Variants in VOPP1 observed in about 807,000 individuals in gnomAD.
The protein encoded by VOPP1 is WW domain binding protein VOPP1.
Under a neutral mutation model 23.5 loss-of-function variants are expected in VOPP1, and 8 were observed. The ratio of observed to expected loss-of-function variants is 0.34; its 90% CI spans 0.20 to 0.61. The LOEUF is 0.61. Ranked by LOEUF, VOPP1 falls within the 20% of genes least tolerant of loss-of-function variation. The pLI is 0.78. For synonymous variants in VOPP1, 83 were observed against 97.3 expected (o/e 0.85, Z 0.86); for missense variants, 174 against 238.1 (o/e 0.73, Z 1.77).
At chr7:55,543,812 C>T (rs1797244765) in intron 1 of VOPP1, among the ~76,000 whole-genome samples, 1 of 151,626 alleles carries the variant, frequency 6.6e-6, no homozygotes, top group Non-Finnish European at 1.5e-5. Context: ...GGTTATTAAT[C>T]CCATGTCAGA....
intron 3 of VOPP1, among the ~76,000 whole-genome samples, chr7:55,493,961 A>T (rs1175483569): frequency 6.6e-6 from 1 of 152,174 alleles, no homozygotes; most frequent in African/African-American, 2.4e-5. Context: ...TTTTAGTGAC[A>T]GCTGGGCTGG....
chr7:55,516,949 T>A (rs1245214125), intron 2 of VOPP1, among the ~76,000 whole-genome samples: 118 of 110,682 alleles, frequency 1.1e-3, no homozygotes, highest in Non-Finnish European at 1.6e-3. Flanking sequence ...TTTTTTTTTT[T>A]TTTTTTTTTT....
At chr7:55,470,450 T>C (rs534981789), downstream of VOPP1, among the ~76,000 whole-genome samples, 16 of 152,252 alleles carry the variant, frequency 1.1e-4, no homozygotes, top group African/African-American at 3.9e-4. Context: ...ATAGCTTGTA[T>C]CTTACATTCT....
At chr7:55,532,125 T>C (rs148765488) in intron 1 of VOPP1, among the ~76,000 whole-genome samples, 58 of 152,360 alleles carry the variant, frequency 3.8e-4, no homozygotes, top group African/African-American at 1.3e-3. Flanking sequence ...AGATTCTAAC[T>C]GTAAAGAGCA....
At chr7:55,496,952 G>A (rs1793995909) in intron 3 of VOPP1, among the ~76,000 whole-genome samples, 1 of 152,220 alleles carries the variant, frequency 6.6e-6, no homozygotes, top group South Asian at 2.1e-4. Flanking sequence ...TCCCACACGT[G>A]CTCTGCCACC....
intron 2 of VOPP1, among the ~76,000 whole-genome samples, chr7:55,516,851 G>C (rs933663226): frequency 1.4e-5 from 2 of 141,522 alleles, no homozygotes; most frequent in Admixed American, 7.1e-5. Flanking sequence ...CTTTACCCAG[G>C]TGAAATGAAA....
intron 4 of VOPP1, among the ~76,000 whole-genome samples, chr7:55,456,194 A>T (rs943073282): frequency 6.6e-6 from 1 of 152,244 alleles, no homozygotes; most frequent in Non-Finnish European, 1.5e-5. Context: ...CAAACATGAA[A>T]AAAAGCTCAT....
intron 4 of VOPP1, among the ~76,000 whole-genome samples, chr7:55,482,482 ATT>A (rs71031859): frequency 0.012 from 1,610 of 132,694 alleles, 5 homozygotes; most frequent in Non-Finnish European, 0.014. Context: ...CACCTGGCTA[ATT>A]TTTTTTTTTT....
chr7:55,463,558 G>A (rs112819462), intron 4 of VOPP1, among the ~76,000 whole-genome samples: 1,827 of 152,344 alleles, frequency 0.012, 13 homozygotes, highest in Admixed American at 0.021. Flanking sequence ...AGTGGTATCT[G>A]TGAGTTCCTC....
chr7:55,554,135 T>C (rs1797721872), intron 1 of VOPP1, among the ~76,000 whole-genome samples: 1 of 152,242 alleles, frequency 6.6e-6, no homozygotes, highest in African/African-American at 2.4e-5. Flanking sequence ...AAGAGTTTTA[T>C]CTCTTATTGA....
chr7:55,503,939 G>A (rs1794538330), intron 2 of VOPP1, among the ~76,000 whole-genome samples: 1 of 152,228 alleles, frequency 6.6e-6, no homozygotes. Context: ...AGCAGTAATT[G>A]TATTTAAAAG....
chr7:55,487,405 T>G (rs890083791), intron 4 of VOPP1, among the ~76,000 whole-genome samples: 11 of 152,226 alleles, frequency 7.2e-5, no homozygotes, highest in Non-Finnish European at 7.3e-5. Context: ...CTGACTGTCC[T>G]CCGCAATCTC....
At chr7:55,537,513 G>A (rs1241633347) in intron 1 of VOPP1, 3 of 1,536,022 alleles carry the variant, frequency 2.0e-6, no homozygotes, top group African/African-American at 1.4e-5. Flanking sequence ...GAGCATGTGA[G>A]CCCGTCCTTC....
At chr7:55,552,628 G>A (rs1177716304) in intron 1 of VOPP1, 1 of 1,535,852 alleles carries the variant, frequency 6.5e-7, no homozygotes, top group Non-Finnish European at 8.7e-7. Context: ...AGGTCTGTGT[G>A]GCTCCAAAGT....
At chr7:55,486,121 G>A (rs925954231) in intron 4 of VOPP1, among the ~76,000 whole-genome samples, 2 of 152,252 alleles carry the variant, frequency 1.3e-5, no homozygotes, top group East Asian at 3.8e-4. Flanking sequence ...CATCACTGGC[G>A]AAGCAGAGGA....
At chr7:55,566,241 C>G (rs1011016228) in intron 1 of VOPP1, among the ~76,000 whole-genome samples, 1 of 152,180 alleles carries the variant, frequency 6.6e-6, no homozygotes, top group African/African-American at 2.4e-5. Flanking sequence ...TCACTATGAT[C>G]ATGCCACTGA....
intron 1 of VOPP1, chr7:55,553,904 G>A (rs1797714258): frequency 6.6e-6 from 1 of 152,386 alleles, no homozygotes; most frequent in Admixed American, 6.5e-5. Flanking sequence ...CAGCTGCACA[G>A]GCTTGCACTG....
intron 2 of VOPP1, among the ~76,000 whole-genome samples, chr7:55,499,740 A>G (rs1474956831): frequency 1.3e-5 from 2 of 152,188 alleles, no homozygotes; most frequent in African/African-American, 2.4e-5. Context: ...ACAGGGTCTC[A>G]GTGCTCGGGA....
intron 1 of VOPP1, among the ~76,000 whole-genome samples, chr7:55,525,090 C>T (rs1796091595): frequency 6.6e-6 from 1 of 152,126 alleles, no homozygotes; most frequent in African/African-American, 2.4e-5. Context: ...GGGGAACCCA[C>T]AGGGAAAGGA....
Sources: allele counts gnomAD v4.1 joint callset (sites outside exome capture counted in the v4.1 genomes callset), GRCh38; gene constraint gnomAD v4.1.1; transcripts MANE v1.5; gene names NCBI Gene and HGNC (gene_info 2026-07-23, HGNC 2026-07-21).